Variants in DZIP1 observed in about 807,000 individuals in gnomAD.
DZIP1 encodes DAZ interacting zinc finger protein 1.
In DZIP1, 97 loss-of-function variants were observed where a neutral mutation model predicts 107.6. The ratio of observed to expected loss-of-function variants is 0.90; its 90% CI spans 0.77 to 1.07. The LOEUF (loss-of-function observed/expected upper bound fraction) is 1.07, where lower values mean the gene tolerates loss of function less well. Ranked by LOEUF, DZIP1 falls within the 50% of genes least tolerant of loss-of-function variation. The pLI is 0.00. For synonymous variants in DZIP1, 390 were observed against 386.4 expected (o/e 1.01, Z -0.11); for missense variants, 1,035 against 1,063.6 (o/e 0.97, Z 0.37).
At chr13:95,617,930 AT>A (rs145561831) in intron 10 of DZIP1, 11,513 of 518,970 alleles carry the variant, frequency 0.022, 647 homozygotes, top group African/African-American at 0.15. Flanking sequence ...GAAAGGTGGA[AT>A]CAAGATGAGC....
At chr13:95,609,867 CT>C (rs1196691316) in intron 12 of DZIP1, among the ~76,000 whole-genome samples, 1 of 152,128 alleles carries the variant, frequency 6.6e-6, no homozygotes, top group Non-Finnish European at 1.5e-5. Flanking sequence ...AGTACCACCC[CT>C]AGTTGGCATC....
chr13:95,588,040 A>G (rs1566361362), intron 19 of DZIP1: 1 of 219,078 alleles, frequency 4.6e-6, no homozygotes, highest in Non-Finnish European at 8.9e-6. Context: ...ACACCTAAGA[A>G]AAACATTTCC....
At chr13:95,589,616 A>C (rs1258008323) in intron 18 of DZIP1, among the ~76,000 whole-genome samples, 187 bp downstream of exon 18, 1 of 152,244 alleles carries the variant, frequency 6.6e-6, no homozygotes, top group Non-Finnish European at 1.5e-5. Context: ...GCAAGAAGGC[A>C]GTCGTCTGCA....
At chr13:95,600,574 G>GAGATAGATAGATAGATAGATAGATAGAT (rs56331221) in intron 14 of DZIP1, among the ~76,000 whole-genome samples, 1 of 147,488 alleles carries the variant, frequency 6.8e-6, no homozygotes, top group African/African-American at 2.5e-5. Flanking sequence ...AGAGATGATA[G>GAGATAGATAGATAGATAGATAGATAGAT]AGATAGATAG....
At chr13:95,640,805 G>T (rs1342760898) in intron 5 of DZIP1, among the ~76,000 whole-genome samples, 2 of 152,218 alleles carry the variant, frequency 1.3e-5, no homozygotes, top group African/African-American at 2.4e-5. Flanking sequence ...TACAGAAATA[G>T]AGGGACTGTG....
intron 10 of DZIP1, among the ~76,000 whole-genome samples, chr13:95,617,366 C>T (rs1483452363): frequency 6.6e-6 from 1 of 152,110 alleles, no homozygotes; most frequent in African/African-American, 2.4e-5. Flanking sequence ...CTTCAAATAA[C>T]CACAAGGAAC....
intron 10 of DZIP1, among the ~76,000 whole-genome samples, chr13:95,614,055 G>A (rs1371024914): frequency 2.0e-5 from 3 of 150,456 alleles, no homozygotes; most frequent in Admixed American, 6.7e-5. Context: ...GACCCCAGGA[G>A]GTTGGAGCTG....
intron 17 of DZIP1, 86 bp downstream of exon 17, chr13:95,590,193 T>C: frequency 7.8e-7 from 1 of 1,288,726 alleles, no homozygotes; most frequent in East Asian, 2.4e-5. Context: ...TAATAATTTG[T>C]TTAATGATAT....
At chr13:95,612,351 T>C (rs928673223) in intron 10 of DZIP1, among the ~76,000 whole-genome samples, 174 bp from the exon 11 acceptor site, 1 of 152,216 alleles carries the variant, frequency 6.6e-6, no homozygotes, top group Non-Finnish European at 1.5e-5. Context: ...CTGCTCTAGG[T>C]GCTTCATCTG....
intron 15 of DZIP1, among the ~76,000 whole-genome samples, chr13:95,598,299 G>C (rs916111679): frequency 6.6e-6 from 1 of 152,064 alleles, no homozygotes; most frequent in Non-Finnish European, 1.5e-5. Flanking sequence ...TAAATGGTCT[G>C]TCTAAAATAT....
At position 95,641,984 on chromosome 13, in the gene DZIP1, C is replaced by A; in HGVS notation, c.36+10G>T. On this transcript the variant is annotated intron_variant, in intron 4 of 22. Transcript: ENST00000376829. The surrounding 1 kb of genome is among the most constrained non-coding windows in gnomAD (Gnocchi z 4.3). Reference sequence around the variant, plus strand: ...CCCCGTCGGGGGCGCCCCGGCCTCCCGCCTCTTACCATGCTTGAAAACCAA... The same window carrying A: ...CCCCGTCGGGGGCGCCCCGGCCTCCAGCCTCTTACCATGCTTGAAAACCAA... The A allele has an allele frequency of 1.3e-6, 2 of 1,577,928 alleles. No homozygotes were observed. The highest frequency in any genetic ancestry group is 8.6e-7 in the Non-Finnish European group (1 of 1,167,298).
chr13:95,584,710 T>C (rs1321606777), intron 22 of DZIP1, 26 bp downstream of exon 22: 1 of 1,592,006 alleles, frequency 6.3e-7, no homozygotes, highest in Admixed American at 1.8e-5. Flanking sequence ...TGGATCGAGC[T>C]TGTATTAGAG....
At chr13:95,642,362 C>T (rs1878638570) in intron 3 of DZIP1, 121 bp from the exon 4 acceptor site, 1 of 296,792 alleles carries the variant, frequency 3.4e-6, no homozygotes, top group East Asian at 5.9e-5. Flanking sequence ...TGGGGCTGGA[C>T]ACTCCATGTC....
At chr13:95,603,810 C>T (rs1480184838) in intron 14 of DZIP1, among the ~76,000 whole-genome samples, 9 of 152,168 alleles carry the variant, frequency 5.9e-5, no homozygotes, top group Admixed American at 3.9e-4. Flanking sequence ...CTGCCTGTAC[C>T]GTTTAGCTTG....
chr13:95,605,873 T>C (rs907130404), intron 14 of DZIP1, 130 bp downstream of exon 14: 4 of 888,488 alleles, frequency 4.5e-6, no homozygotes, highest in Middle Eastern at 3.3e-4. Flanking sequence ...TTTTAATAAC[T>C]GTTTTGCAAT....
intron 14 of DZIP1, among the ~76,000 whole-genome samples, chr13:95,600,590 T>TAGATA (rs1555306565): frequency 0.011 from 1,597 of 141,736 alleles, 11 homozygotes; most frequent in East Asian, 0.03. Flanking sequence ...GATAGATAGA[T>TAGATA]GATAGATAGA....
chr13:95,620,539 C>A (rs1875698179), intron 9 of DZIP1, among the ~76,000 whole-genome samples: 1 of 152,090 alleles, frequency 6.6e-6, no homozygotes, highest in Non-Finnish European at 1.5e-5. Flanking sequence ...TAGTAAGGAG[C>A]TAACAGTAAA....
chr13:95,596,069 A>T (rs192348311), intron 15 of DZIP1, among the ~76,000 whole-genome samples: 2 of 152,252 alleles, frequency 1.3e-5, no homozygotes, highest in East Asian at 3.9e-4. Flanking sequence ...ATTTATGAAT[A>T]ATTAGAGCAC....
intron 14 of DZIP1, among the ~76,000 whole-genome samples, chr13:95,604,186 C>CA (rs1014521018): frequency 2.8e-4 from 43 of 152,374 alleles, no homozygotes; most frequent in African/African-American, 9.9e-4. Context: ...ACTTCCGCAT[C>CA]AGTCTGTTTC....
Sources: allele counts gnomAD v4.1 joint callset (sites outside exome capture counted in the v4.1 genomes callset), GRCh38; gene constraint gnomAD v4.1.1; non-coding constraint Gnocchi (gnomAD v3.1); transcripts MANE v1.5; gene names NCBI Gene and HGNC (gene_info 2026-07-23, HGNC 2026-07-21).